The following GABBR2 variants were observed in gnomAD, a reference collection of about 807,000 sequenced individuals.
The protein encoded by GABBR2 is gamma-aminobutyric acid type B receptor subunit 2, also known as G-protein coupled receptor 51.
Under a neutral mutation model 105.6 loss-of-function variants are expected in GABBR2, and 23 were observed. The ratio of observed to expected loss-of-function variants is 0.22; its 90% CI spans 0.16 to 0.31. The LOEUF is 0.31. Ranked by LOEUF, GABBR2 falls within the 10% of genes least tolerant of loss-of-function variation. The probability of loss-of-function intolerance (pLI) is 1.00; values close to 1 mark genes in which losing one functional copy is unlikely to be tolerated. For missense variants in GABBR2, 734 were observed against 1,245.5 expected, an observed-to-expected ratio of 0.59 and a Z score of 6.18; for synonymous variants, 478 against 499.7, an observed-to-expected ratio of 0.96 and a Z score of 0.58.
chr9:98,648,126 T>TAGATAGATAGATAGATAGAC, intron 1 of GABBR2, among the ~76,000 whole-genome samples: 1 of 140,666 alleles, frequency 7.1e-6, no homozygotes, highest in African/African-American at 2.8e-5. Context: ...TATAGATAGA[T>TAGATAGATAGATAGATAGAC]AGATAGATAG....
intron 1 of GABBR2, among the ~76,000 whole-genome samples, chr9:98,691,871 C>T (rs60307199): frequency 0.023 from 3,522 of 152,314 alleles, 136 homozygotes; most frequent in African/African-American, 0.08. Context: ...CAATTCACCA[C>T]CTCCTCTTTG....
chr9:98,528,458 T>C (rs1210528646), intron 3 of GABBR2, among the ~76,000 whole-genome samples: 1 of 152,188 alleles, frequency 6.6e-6, no homozygotes, highest in Non-Finnish European at 1.5e-5. Flanking sequence ...AAAATGGTCT[T>C]GATAAATTTA....
chr9:98,543,414 G>C (rs1478974758), intron 2 of GABBR2, among the ~76,000 whole-genome samples: 2 of 151,716 alleles, frequency 1.3e-5, no homozygotes, highest in East Asian at 3.8e-4. Flanking sequence ...GCCCAGACTG[G>C]AGTACAATGC....
At chr9:98,659,108 G>C (rs1410670508) in intron 1 of GABBR2, among the ~76,000 whole-genome samples, 1 of 152,132 alleles carries the variant, frequency 6.6e-6, no homozygotes, top group Non-Finnish European at 1.5e-5. Context: ...AGATATCATG[G>C]GTCATGAAAC....
At chr9:98,427,506 G>T (rs1387832358) in intron 7 of GABBR2, among the ~76,000 whole-genome samples, 1 of 152,114 alleles carries the variant, frequency 6.6e-6, no homozygotes, top group East Asian at 1.9e-4. Flanking sequence ...TGTCAGCCAG[G>T]GTCTTTGATA....
chr9:98,493,713 T>A (rs1827222866), intron 4 of GABBR2, among the ~76,000 whole-genome samples: 2 of 152,224 alleles, frequency 1.3e-5, no homozygotes, highest in African/African-American at 4.8e-5. Flanking sequence ...CCTCTGAGAT[T>A]TCCAAAAGTA....
At chr9:98,590,007 G>C (rs896652717) in intron 1 of GABBR2, among the ~76,000 whole-genome samples, 5 of 152,158 alleles carry the variant, frequency 3.3e-5, no homozygotes, top group African/African-American at 1.2e-4. Context: ...AGGATAACAG[G>C]CATGAGCCAT....
intron 13 of GABBR2, among the ~76,000 whole-genome samples, chr9:98,326,817 C>G (rs565921009): frequency 3.5e-4 from 53 of 152,326 alleles, no homozygotes; most frequent in African/African-American, 3.6e-4. Context: ...GCTAGGCACT[C>G]TGTATATGTC....
intron 3 of GABBR2, among the ~76,000 whole-genome samples, chr9:98,538,283 C>T (rs145700553): frequency 1.7e-3 from 255 of 152,320 alleles, no homozygotes; most frequent in Middle Eastern, 6.8e-3. Flanking sequence ...GATCAGCCCA[C>T]CTGGTACCAA....
At chr9:98,569,980 A>C (rs1237729652) in intron 2 of GABBR2, among the ~76,000 whole-genome samples, 1 of 152,202 alleles carries the variant, frequency 6.6e-6, no homozygotes. Flanking sequence ...TAAATAGCAA[A>C]AGGCCTGATT....
intron 3 of GABBR2, among the ~76,000 whole-genome samples, chr9:98,499,383 G>T (rs1207736014): frequency 2.0e-5 from 3 of 152,180 alleles, no homozygotes; most frequent in Non-Finnish European, 4.4e-5. Flanking sequence ...GTCCTGGCTG[G>T]CTCTTCTGGA....
intron 1 of GABBR2, among the ~76,000 whole-genome samples, chr9:98,690,683 GC>G (rs374767265): frequency 6.6e-6 from 1 of 152,252 alleles, no homozygotes; most frequent in Non-Finnish European, 1.5e-5. Context: ...AATGACAGTG[GC>G]CCCCGGAGTG....
Position 98,578,081 on chromosome 9 carries a change from C to A in GABBR2, c.322-9G>T. 6.2e-7 allele frequency: 1 copy of A among 1,613,356 alleles called. No homozygotes were observed. The highest frequency in any genetic ancestry group is 1.1e-5 in the South Asian group (1 of 90,856). ...CCTTTTGCGTTGTCGCACTGGGAAG[C>A]AACACATAGAAAGAAAGGTCCAAAT... is the stretch of plus-strand genomic sequence containing the variant. On this transcript the variant is annotated splice_polypyrimidine_tract_variant and intron_variant, in intron 1 of 18. Coordinates refer to ENST00000259455, the MANE Select transcript of GABBR2 (RefSeq NM_005458.8).
At chr9:98,336,610 C>T (rs6478679) in intron 13 of GABBR2, among the ~76,000 whole-genome samples, 66,798 of 151,776 alleles carry the variant, frequency 0.44, 14,814 homozygotes, top group African/African-American at 0.47. Context: ...GAGGCTGAGG[C>T]AGGAGAATCG....
chr9:98,381,840 C>CTGGGAATGAATGAG (rs1831982495), intron 11 of GABBR2, among the ~76,000 whole-genome samples: 1 of 152,168 alleles, frequency 6.6e-6, no homozygotes, highest in Non-Finnish European at 1.5e-5. Flanking sequence ...GACAACCTTC[C>CTGGGAATGAATGAG]CCTCACACAA....
chr9:98,357,011 T>C (rs111545985), intron 13 of GABBR2, among the ~76,000 whole-genome samples: 94 of 152,346 alleles, frequency 6.2e-4, no homozygotes, highest in African/African-American at 2.1e-3. Context: ...GGAAAAACTA[T>C]GGATCCGTGG....
intron 1 of GABBR2, among the ~76,000 whole-genome samples, chr9:98,590,241 C>T (rs1416550138): frequency 6.6e-6 from 1 of 152,202 alleles, no homozygotes; most frequent in African/African-American, 2.4e-5. Flanking sequence ...TTTCACACCC[C>T]TTCCCCGGGG....
At chr9:98,469,174 T>C (rs947286774) in intron 6 of GABBR2, among the ~76,000 whole-genome samples, 3 of 151,530 alleles carry the variant, frequency 2.0e-5, no homozygotes, top group Admixed American at 6.6e-5. Context: ...AGCAAAGAGG[T>C]TCAATTGACT....
intron 1 of GABBR2, 58 bp downstream of exon 1, chr9:98,708,359 A>G: frequency 7.7e-7 from 1 of 1,298,168 alleles, no homozygotes; most frequent in Non-Finnish European, 9.9e-7. Context: ...GCCTGTGTCC[A>G]AACCACCCAC....
Sources: allele counts gnomAD v4.1 joint callset (sites outside exome capture counted in the v4.1 genomes callset), GRCh38; gene constraint gnomAD v4.1.1; transcripts MANE v1.5; gene names NCBI Gene and HGNC (gene_info 2026-07-23, HGNC 2026-07-21).